The following ZNF280C variants were observed in gnomAD, a reference collection of about 807,000 sequenced individuals.
ZNF280C encodes zinc finger protein 280C, also known as suppressor of hairy wing homolog 3.
In ZNF280C, 14 loss-of-function variants were observed where a neutral mutation model predicts 53.6. That is an observed-to-expected ratio of 0.26 (90% CI 0.17 to 0.41). ZNF280C has a LOEUF of 0.41. ZNF280C is among the 10% of genes least tolerant of loss of function. The pLI, the probability that ZNF280C is intolerant of heterozygous loss-of-function variation, is 1.00. For missense variants in ZNF280C, 416 were observed against 547.1 expected, an observed-to-expected ratio of 0.76 and a Z score of 2.39; for synonymous variants, 203 against 181.1, an observed-to-expected ratio of 1.12 and a Z score of -0.97.
intron 2 of ZNF280C, among the ~76,000 whole-genome samples, chrX:130,250,838 T>TA (rs754009694): frequency 1.8e-5 from 2 of 111,643 alleles, no homozygotes; most frequent in South Asian, 7.4e-4. Context: ...CTCACACCAG[T>TA]AATTCCAACA....
intron 6 of ZNF280C, among the ~76,000 whole-genome samples, chrX:130,238,517 T>C (rs913301399): frequency 9.0e-6 from 1 of 111,649 alleles, no homozygotes; most frequent in Non-Finnish European, 1.9e-5. Flanking sequence ...TCCTATTTAC[T>C]ATTCAGGACA....
At chrX:130,212,445 T>C (rs1490435044) in intron 15 of ZNF280C, among the ~76,000 whole-genome samples, 1 of 111,171 alleles carries the variant, frequency 9.0e-6, no homozygotes, top group Admixed American at 9.6e-5. Context: ...AAAATGGTGG[T>C]AACAGTTTAA....
chrX:130,224,783 C>T (rs1315905304), intron 12 of ZNF280C, among the ~76,000 whole-genome samples: 1 of 111,320 alleles, frequency 9.0e-6, no homozygotes, highest in Non-Finnish European at 1.9e-5. Context: ...GGTAAGCCAC[C>T]AAATTTTCAG....
Position 130,209,668 on chromosome X carries a change from T to C in ZNF280C, c.2027A>G (p.His676Arg), listed in dbSNP as rs1316381842. 8.3e-7 allele frequency: 1 copy of C among 1,206,769 alleles called. No individual in the cohort carries two copies. The change falls in exon 16 of 19, where the codon CAT becomes CGT. Residue 676 changes from histidine to arginine, a missense_variant. By Grantham distance (29) the His-to-Arg change is conservative. This residue lies in a region of ZNF280C where 151 missense variants were observed against 176.9 expected (regional missense o/e 0.85). Transcript: ENST00000370978. ...PGKRFCIFKK[H>R]SGTLRGITLV... is the part of the protein sequence containing the mutation. ...CAATGATTACCTGAGAGTTCCTGAATGCTTCTTGAAAATACAAAACCGTTT... is the reference window on the plus strand; with the variant it reads ...CAATGATTACCTGAGAGTTCCTGAACGCTTCTTGAAAATACAAAACCGTTT...
chrX:130,245,436 T>C (rs1399376693), intron 3 of ZNF280C, among the ~76,000 whole-genome samples: 1 of 112,136 alleles, frequency 8.9e-6, no homozygotes, highest in African/African-American at 3.2e-5. Flanking sequence ...ATCTAGCTCA[T>C]TTAATAATTT....
In ZNF280C at chrX:130,255,351, G is replaced by A. The variant is rs1256470193; in HGVS notation, c.31+5068C>T. On this transcript the variant is annotated intron_variant, in intron 2 of 18. Transcript: ENST00000370978. Reference sequence around the variant, plus strand: ...GAGACGGGGTTTCACCGTTTTAGCCGGGATGGTCTCGATCTCCTGACCTCG... The same window carrying A: ...GAGACGGGGTTTCACCGTTTTAGCCAGGATGGTCTCGATCTCCTGACCTCG... Among the ~76,000 whole-genome samples the A allele has an allele frequency of 3.0e-4, 31 of 103,902 alleles. 1 individual carries two copies. The highest frequency in any genetic ancestry group is 9.7e-4 in the African/African-American group (28 of 28,812). 90.2% of individuals were successfully genotyped at this position (103,902 alleles called of 115,157 possible).
chrX:130,255,857 A>G (rs1159474712), intron 2 of ZNF280C, among the ~76,000 whole-genome samples: 1 of 112,071 alleles, frequency 8.9e-6, no homozygotes, highest in East Asian at 2.8e-4. Flanking sequence ...TGGGAGGCAG[A>G]GGCACAAGAA....
rs1383094704 is a variant in ZNF280C at position 130,230,729 on chromosome X, T to A, written c.772-2A>T. On this transcript the variant is annotated splice_acceptor_variant, in intron 8 of 18. Transcript: ENST00000370978. LOFTEE classifies it high-confidence loss of function. ...AGTTATCATGTCTGGACAACAATGCTGAAAGAGGAAAAAAATATGAGCCTT... is the reference window on the plus strand; with the variant it reads ...AGTTATCATGTCTGGACAACAATGCAGAAAGAGGAAAAAAATATGAGCCTT... The A allele has an allele frequency of 3.5e-6, 4 of 1,156,073 alleles. No homozygotes were observed. The highest frequency in any genetic ancestry group is 2.4e-5 in the Admixed American group (1 of 42,494).
intron 16 of ZNF280C, among the ~76,000 whole-genome samples, chrX:130,206,529 G>A (rs1297233171): frequency 9.1e-6 from 1 of 109,801 alleles, no homozygotes; most frequent in African/African-American, 3.3e-5. Context: ...ACCACGCCTG[G>A]CTAATTTTTT....
At chrX:130,214,467 A>T (rs2032077747) in intron 15 of ZNF280C, among the ~76,000 whole-genome samples, 1 of 111,387 alleles carries the variant, frequency 9.0e-6, no homozygotes. Flanking sequence ...AGCATCATTA[A>T]AAAGCCTGGA....
At chrX:130,220,965 A>G (rs1226026753) in intron 12 of ZNF280C, among the ~76,000 whole-genome samples, 1 of 111,114 alleles carries the variant, frequency 9.0e-6, no homozygotes, top group Non-Finnish European at 1.9e-5. Context: ...AATTTAGAAC[A>G]ACATACAAAT....
At chrX:130,241,117 T>C (rs1419284150) in intron 5 of ZNF280C, among the ~76,000 whole-genome samples, 1 of 111,660 alleles carries the variant, frequency 9.0e-6, no homozygotes, top group Admixed American at 9.6e-5. Flanking sequence ...ACAAAGCCTG[T>C]GTCCTTAAGC....
chrX:130,239,002 G>A (rs1207373319), intron 6 of ZNF280C, among the ~76,000 whole-genome samples: 2 of 111,082 alleles, frequency 1.8e-5, no homozygotes. Context: ...CTTTGTTATG[G>A]TGGACATCAA....
intron 15 of ZNF280C, 53 bp from the exon 16 acceptor site, chrX:130,209,768 TATTA>T: frequency 1.0e-6 from 1 of 992,467 alleles, no homozygotes; most frequent in Non-Finnish European, 1.4e-6. Flanking sequence ...TACAACACCA[TATTA>T]ATTTTCTGAC....
intron 1 of ZNF280C, among the ~76,000 whole-genome samples, chrX:130,264,281 G>T (rs1215858909): frequency 9.0e-6 from 1 of 110,980 alleles, no homozygotes; most frequent in African/African-American, 3.3e-5. Flanking sequence ...TTTCAGTTAA[G>T]AGAGAAAATA....
At chrX:130,253,993 T>G (rs2124714286) in intron 2 of ZNF280C, among the ~76,000 whole-genome samples, 1 of 110,537 alleles carries the variant, frequency 9.0e-6, no homozygotes, top group African/African-American at 3.3e-5. Flanking sequence ...AGGAGAAAAA[T>G]TTTGCAAATC....
intron 1 of ZNF280C, among the ~76,000 whole-genome samples, chrX:130,261,850 TTG>T (rs1284537245): frequency 9.0e-6 from 1 of 110,844 alleles, no homozygotes; most frequent in African/African-American, 3.3e-5. Flanking sequence ...TCTCACTATG[TTG>T]CCCAGGCTGG....
At chrX:130,219,858 T>A (rs1483758848) in intron 13 of ZNF280C, among the ~76,000 whole-genome samples, 1 of 110,375 alleles carries the variant, frequency 9.1e-6, no homozygotes, top group Non-Finnish European at 1.9e-5. Flanking sequence ...ACTAGAAATA[T>A]CCCTCCAACA....
intron 16 of ZNF280C, among the ~76,000 whole-genome samples, chrX:130,206,945 T>C (rs751469125): frequency 4.5e-5 from 5 of 112,257 alleles, no homozygotes; most frequent in African/African-American, 1.3e-4. Context: ...CATTATTGCC[T>C]GATCTAAATC....
Sources: gnomAD v4.1 joint callset for allele counts (sites outside exome capture counted in the v4.1 genomes callset) on GRCh38, gnomAD v4.1.1 for gene constraint, gnomAD v4.1.1 regional missense constraint, MANE v1.5 for transcripts, NCBI Gene and HGNC (gene_info 2026-07-23, HGNC 2026-07-21) for gene names.